ATXN10: variants seen among roughly 807,000 people sequenced by gnomAD.
The protein encoded by ATXN10 is ataxin-10.
A neutral mutation model predicts 52.9 loss-of-function variants in ATXN10; 28 were observed. The observed-to-expected ratio is 0.53, with a 90% CI of 0.39 to 0.73. The LOEUF (loss-of-function observed/expected upper bound fraction) is 0.73, where lower values mean the gene tolerates loss of function less well. Ranked by LOEUF, ATXN10 falls within the 30% of genes least tolerant of loss-of-function variation. The pLI is 0.00. For missense variants in ATXN10, 565 were observed against 577.0 expected, an observed-to-expected ratio of 0.98 and a Z score of 0.21; for synonymous variants, 226 against 221.5, an observed-to-expected ratio of 1.02 and a Z score of -0.18.
At chr22:45,724,293 T>C (rs1924781165) in intron 6 of ATXN10, among the ~76,000 whole-genome samples, 1 of 152,196 alleles carries the variant, frequency 6.6e-6, no homozygotes, top group South Asian at 2.1e-4. Flanking sequence ...CAGCATTGTA[T>C]ATGCGTTCCT....
In ATXN10 at chr22:45,816,536, T is replaced by G. The variant is rs1928467759; in HGVS notation, c.1237+9514T>G. Reference sequence around the variant, plus strand: ...CACCAGAATACCCAGATATGTAACCTTTCCCCCAAGGAAAGTTTATCCCAG... The same window carrying G: ...CACCAGAATACCCAGATATGTAACCGTTCCCCCAAGGAAAGTTTATCCCAG... On this transcript the variant is annotated intron_variant, in intron 10 of 11. Coordinates refer to ENST00000252934, the MANE Select transcript of ATXN10 (RefSeq NM_013236.4). This position sits in a 1 kb window ranked among gnomAD's most constrained non-coding sequence, Gnocchi z 5.8. 6.6e-6 allele frequency among the ~76,000 whole-genome samples: 1 copy of G among 152,194 alleles called. No homozygotes were observed. Among genetic ancestry groups the G allele is most frequent in the Admixed American group, 6.5e-5 (1 of 15,274 alleles).
In ATXN10 at chr22:45,818,761, A is replaced by G. The variant is rs1304270419; in HGVS notation, c.1237+11739A>G. 6.6e-6 allele frequency among the ~76,000 whole-genome samples: 1 copy of G among 152,096 alleles called. No homozygotes were observed. The highest frequency in any genetic ancestry group is 1.5e-5 in the Non-Finnish European group (1 of 68,016). ...CTGCGTTTTCCCAAGCGTGCTTCTC[A>G]GTGGTTGCTGTTAATGTTCTAAGGG... On this transcript the variant is annotated intron_variant, in intron 10 of 11. Transcript: ENST00000252934. This position sits in a 1 kb window ranked among gnomAD's most constrained non-coding sequence, Gnocchi z 4.6.
rs1231588666 is a variant in ATXN10 at position 45,696,742 on chromosome 22, T to C, written c.392-3540T>C. On this transcript the variant is annotated intron_variant, in intron 3 of 11. Coordinates refer to ENST00000252934, the MANE Select transcript of ATXN10 (RefSeq NM_013236.4). This position sits in a 1 kb window ranked among gnomAD's most constrained non-coding sequence, Gnocchi z 4.7. ...TCCCAAATGTGCTACAAAAGATGTATTTAGTTTTTACAATATATGGTAAAA... is the reference window on the plus strand; with the variant it reads ...TCCCAAATGTGCTACAAAAGATGTACTTAGTTTTTACAATATATGGTAAAA... 6.6e-6 allele frequency among the ~76,000 whole-genome samples: 1 copy of C among 152,258 alleles called. No individual in the cohort carries two copies. Among genetic ancestry groups the C allele is most frequent in the Non-Finnish European group, 1.5e-5 (1 of 68,042 alleles).
intron 9 of ATXN10, among the ~76,000 whole-genome samples, chr22:45,748,540 G>C (rs1028042545): frequency 6.6e-6 from 1 of 152,110 alleles, no homozygotes; most frequent in Non-Finnish European, 1.5e-5. Context: ...ATCTAGTAAA[G>C]AGCTGAAGTG....
intron 9 of ATXN10, among the ~76,000 whole-genome samples, chr22:45,804,591 G>A (rs553379048): frequency 7.2e-5 from 11 of 152,080 alleles, no homozygotes; most frequent in Admixed American, 2.0e-4. Context: ...ACTTCTATGC[G>A]GTTCTGTATC....
At position 45,683,089 on chromosome 22, in the gene ATXN10, C is replaced by T. The variant is rs1035954308; in HGVS notation, c.117-6623C>T. On this transcript the variant is annotated intron_variant, in intron 1 of 11. Transcript: ENST00000252934. The surrounding 1 kb of genome is among the most constrained non-coding windows in gnomAD (Gnocchi z 4.8). ...ATCCCAGCACTTTGGGAGGCCAAGG[C>T]AGGTGGATCACCTGAGGCCAGGAGT... 1.3e-5 allele frequency among the ~76,000 whole-genome samples: 2 copies of T among 152,190 alleles called. No homozygotes were observed. The highest frequency in any genetic ancestry group is 1.3e-4 in the Admixed American group (2 of 15,280).
chr22:45,694,557 G>A (rs1923514682), intron 3 of ATXN10, among the ~76,000 whole-genome samples: 1 of 151,828 alleles, frequency 6.6e-6, no homozygotes, highest in Admixed American at 6.6e-5. Flanking sequence ...TGAGGCGGGC[G>A]GATCATTTGA....
rs1928881999 is a variant in ATXN10 at position 45,828,278 on chromosome 22, C to A, written c.1238-14713C>A. ...ACAACATAACAGAACTTATGGGACA[C>A]AGCAAAAATAATGCTAAGGGGGAAA... On this transcript the variant is annotated intron_variant, in intron 10 of 11. Coordinates refer to ENST00000252934, the MANE Select transcript of ATXN10 (RefSeq NM_013236.4). The surrounding 1 kb of genome is among the most constrained non-coding windows in gnomAD (Gnocchi z 4.5). Among the ~76,000 whole-genome samples, 1 of 151,318 alleles carries A rather than the reference C, an allele frequency of 6.6e-6. No individual in the cohort carries two copies. Among genetic ancestry groups the A allele is most frequent in the Admixed American group, 6.6e-5 (1 of 15,198 alleles).
intron 1 of ATXN10, chr22:45,672,877 T>A (rs1448542823): frequency 2.0e-5 from 3 of 152,224 alleles, no homozygotes; most frequent in African/African-American, 7.2e-5. Flanking sequence ...TTAGAATTCT[T>A]GTCTAAAAAT....
At chr22:45,764,030 C>T (rs1241057901) in intron 9 of ATXN10, among the ~76,000 whole-genome samples, 4 of 152,200 alleles carry the variant, frequency 2.6e-5, no homozygotes, top group South Asian at 2.1e-4. Context: ...CCGGCCTCTC[C>T]GGCAGCCTCT....
chr22:45,690,861 T>G lies in ATXN10; in HGVS notation c.308+958T>G, dbSNP rs1465795234. On this transcript the variant is annotated intron_variant, in intron 2 of 11. Transcript: ENST00000252934. The surrounding 1 kb of genome is among the most constrained non-coding windows in gnomAD (Gnocchi z 4.5). ...TTTTATTAAAAATTTTTACTTGAAG[T>G]CAGAAGCCACAAACAGGATGCTCAC... Among the ~76,000 whole-genome samples the G allele has an allele frequency of 6.6e-6, 1 of 152,206 alleles. No homozygotes were observed. Among genetic ancestry groups the G allele is most frequent in the Non-Finnish European group, 1.5e-5 (1 of 68,040 alleles).
chr22:45,749,507 A>G (rs1367791488), intron 9 of ATXN10, among the ~76,000 whole-genome samples: 1 of 152,108 alleles, frequency 6.6e-6, no homozygotes, highest in Non-Finnish European at 1.5e-5. Context: ...AACTTTTTTC[A>G]TTATCATCTA....
chr22:45,731,361 A>G (rs1404163793), intron 7 of ATXN10, among the ~76,000 whole-genome samples: 1 of 152,212 alleles, frequency 6.6e-6, no homozygotes, highest in Non-Finnish European at 1.5e-5. Flanking sequence ...ATTGCAGGGG[A>G]ACACGAGGGA....
Position 45,729,318 on chromosome 22 carries a change from A to G in ATXN10, c.729-107A>G, listed in dbSNP as rs1451570421. 15 of 1,126,452 alleles carry G rather than the reference A, an allele frequency of 1.3e-5. No individual in the cohort carries two copies. In the South Asian group the frequency reaches 1.7e-4, roughly 13 times the overall value. 69.8% of individuals were successfully genotyped at this position (1,126,452 alleles called of 1,614,324 possible). Reference sequence around the variant, plus strand: ...CTAGCTAGACATTAGAAGCAAGGTAAGGAATTTAAAATAATAATATTCCCT... The same window carrying G: ...CTAGCTAGACATTAGAAGCAAGGTAGGGAATTTAAAATAATAATATTCCCT... On this transcript the variant is annotated intron_variant, in intron 6 of 11. Transcript: ENST00000252934.
chr22:45,793,889 T>C lies in ATXN10; in HGVS notation c.1174-13070T>C, dbSNP rs1927610531. 3 of 1,252,378 alleles carry C rather than the reference T, an allele frequency of 2.4e-6. No homozygotes were observed. In the Admixed American group the frequency reaches 1.2e-4, roughly 52 times the overall value. The allele number at this position is 1,252,378 out of a possible 1,614,324, so 77.6% of individuals were successfully genotyped here. ...AGCAACTTTGATTGAAGCAGCAGTG[T>C]ATAGCAGCAGCAGAGGTGCTGCTCC... On this transcript the variant is annotated intron_variant, in intron 9 of 11. Coordinates refer to ENST00000252934, the MANE Select transcript of ATXN10 (RefSeq NM_013236.4).
Position 45,819,741 on chromosome 22 carries a change from G to A in ATXN10, c.1237+12719G>A, listed in dbSNP as rs1928588256. Among the ~76,000 whole-genome samples the A allele has an allele frequency of 6.6e-6, 1 of 152,176 alleles. No individual in the cohort carries two copies. The highest frequency in any genetic ancestry group is 1.5e-5 in the Non-Finnish European group (1 of 68,040). On this transcript the variant is annotated intron_variant, in intron 10 of 11. Coordinates refer to ENST00000252934, the MANE Select transcript of ATXN10 (RefSeq NM_013236.4). The surrounding 1 kb of genome is among the most constrained non-coding windows in gnomAD (Gnocchi z 4.5). ...TTTAATGTATGTATTTTCTTATGAA[G>A]TTAATTATTTGCCAATTTTTCTTTT... is the stretch of plus-strand genomic sequence containing the variant.
chr22:45,671,956 C>T lies in ATXN10; in HGVS notation c.-108C>T. The T allele has an allele frequency of 7.8e-7, 1 of 1,284,844 alleles. No individual in the cohort carries two copies. Among genetic ancestry groups the T allele is most frequent in the Non-Finnish European group, 1.1e-6 (1 of 935,078 alleles). The allele number at this position is 1,284,844 out of a possible 1,614,324, so 79.6% of individuals were successfully genotyped here. On this transcript the variant is annotated 5_prime_UTR_variant, in exon 1 of 12. Coordinates refer to ENST00000252934, the MANE Select transcript of ATXN10 (RefSeq NM_013236.4). ...CGGTTAGGGCTGTGTAGGGCGAGGC[C>T]TCCCCCTTCCTCCTCGCCATCCTAC... is the stretch of plus-strand genomic sequence containing the variant.
intron 9 of ATXN10, among the ~76,000 whole-genome samples, chr22:45,753,315 A>G (rs17573837): frequency 0.094 from 13,669 of 145,234 alleles, 819 homozygotes; most frequent in Middle Eastern, 0.16. Flanking sequence ...TTGTATTCAC[A>G]GAGCGATTTG....
chr22:45,697,032 A>G (rs1923634848), intron 3 of ATXN10, among the ~76,000 whole-genome samples: 1 of 152,158 alleles, frequency 6.6e-6, no homozygotes, highest in Non-Finnish European at 1.5e-5. Context: ...ATTGTTTTTT[A>G]TTGATGTGAG....
Sources: gnomAD v4.1 joint callset for allele counts (sites outside exome capture counted in the v4.1 genomes callset) on GRCh38, gnomAD v4.1.1 for gene constraint, Gnocchi (gnomAD v3.1) non-coding constraint, MANE v1.5 for transcripts, NCBI Gene and HGNC (gene_info 2026-07-23, HGNC 2026-07-21) for gene names.